The following ALS2 variants were observed in gnomAD, a reference collection of about 807,000 sequenced individuals.
ALS2 encodes alsin.
A neutral mutation model predicts 203.4 loss-of-function variants in ALS2; 117 were observed. The observed-to-expected ratio is 0.58, with a 90% CI of 0.50 to 0.67. The LOEUF is 0.67. Ranked by LOEUF, ALS2 falls within the 30% of genes least tolerant of loss-of-function variation. The pLI is 0.00. For synonymous variants in ALS2, 718 were observed against 725.9 expected, an observed-to-expected ratio of 0.99 and a Z score of 0.17; for missense variants, 1,715 against 1,989.4, an observed-to-expected ratio of 0.86 and a Z score of 2.62.
Position 201,704,159 on chromosome 2 carries a change from T to C in ALS2, c.4898A>G (p.Gln1633Arg), listed in dbSNP as rs1234052864. 1.9e-6 allele frequency: 3 copies of C among 1,614,114 alleles called. No homozygotes were observed. Residue 1633 changes from glutamine to arginine, a missense_variant, in exon 33 of 34, where the codon CAG (glutamine) becomes CGG (arginine). Gln to Arg is a conservative substitution (Grantham distance 43, BLOSUM62 1). This residue lies in a region of ALS2 where 1,227 missense variants were observed against 1,413.5 expected (regional missense o/e 0.87). Coordinates refer to ENST00000264276, the MANE Select transcript of ALS2 (RefSeq NM_020919.4). ...LIEDLMDPYL[Q>R]HGEQGIMFTT... ...GAACATTATACCCTGTTCCCCATGC[T>C]GAAGATAGGGGTCCATTAGATCCTC...
In ALS2 at chr2:201,758,357, G is replaced by A. The variant is rs1693531593; in HGVS notation, c.1114-598C>T. The stretch of plus-strand genomic sequence containing the variant: ...ATGCTCAACTCGAGTGCCTTTACTG[G>A]CTCATCAATGAGTTATTTTCTATGA... On this transcript the variant is annotated intron_variant, in intron 4 of 33. Transcript: ENST00000264276. Among the ~76,000 whole-genome samples the A allele has an allele frequency of 2.0e-5, 3 of 152,118 alleles. No individual in the cohort carries two copies. The South Asian group carries it at 6.2e-4, about 32-fold the overall frequency.
At position 201,761,827 on chromosome 2, in the gene ALS2, TAAAAAAA is replaced by T; in HGVS notation, c.176-16_176-10del. On this transcript the variant is annotated splice_polypyrimidine_tract_variant and intron_variant, in intron 3 of 33. Transcript: ENST00000264276. ...GCTGTAGACCTCACCATCTGAAGGT[TAAAAAAA>T]AGAAAAAAGAAAAAAAAAAGGGTTA... 6.2e-7 allele frequency: 1 copy of T among 1,606,334 alleles called. No individual in the cohort carries two copies. Among genetic ancestry groups the T allele is most frequent in the Non-Finnish European group, 8.5e-7 (1 of 1,177,520 alleles).
At chr2:201,763,998 T>C (rs1255657951) in intron 3 of ALS2, among the ~76,000 whole-genome samples, 1 of 152,202 alleles carries the variant, frequency 6.6e-6, no homozygotes, top group Non-Finnish European at 1.5e-5. Flanking sequence ...GATGAAAACA[T>C]GCAAACTTTA....
rs1423836663 is a variant in ALS2, at chr2:201,704,212, C to A, written c.4845G>T (p.Arg1615Ser). ...FLYVVLRARI[R>S]NLGSEVHLIE... ...TGAGGTGTACCTCAGAGCCTAAATT[C>A]CTAATCCTGCCCCAGAGAGAAAAAG... Residue 1615 changes from arginine (R) to serine (S), a missense_variant, in exon 33 of 34, where the codon AGG (arginine) becomes AGT (serine). Transcript: ENST00000264276. The A allele has an allele frequency of 6.2e-7, 1 of 1,613,474 alleles. No homozygotes were observed. Among genetic ancestry groups the A allele is most frequent in the South Asian group, 1.1e-5 (1 of 91,068 alleles).
chr2:201,760,713 T>A, intron 4 of ALS2, 168 bp downstream of exon 4: 1 of 1,421,440 alleles, frequency 7.0e-7, no homozygotes, highest in African/African-American at 1.4e-5. Context: ...TGATTTTGAA[T>A]TAATCCAGGT....
chr2:201,723,436 T>A lies in ALS2; in HGVS notation c.3518A>T (p.Glu1173Val). The change falls in exon 22 of 34, where the codon GAA becomes GTA. Residue 1173 changes from glutamate (E) to valine (V), a missense_variant. Physicochemically the swap from Glu to Val is moderately radical, Grantham distance 121. Around this residue, in one of 3 missense-constraint regions of ALS2, gnomAD observed 1,227 missense variants for 1,413.5 expected, o/e 0.87. Coordinates refer to ENST00000264276, the MANE Select transcript of ALS2 (RefSeq NM_020919.4). ...ATCTTGCCACATTCCCATATACTTTTCCCCCCTGCACAGAAATAAAAAGAA... is the reference window on the plus strand; with the variant it reads ...ATCTTGCCACATTCCCATATACTTTACCCCCCTGCACAGAAATAAAAAGAA... ...YGVFDDITRGEKYMGMWQDDV... is the reference protein window; with the variant it reads ...YGVFDDITRGVKYMGMWQDDV... The A allele has an allele frequency of 6.2e-7, 1 of 1,611,614 alleles. No individual in the cohort carries two copies. Among genetic ancestry groups the A allele is most frequent in the Non-Finnish European group, 8.5e-7 (1 of 1,178,038 alleles).
intron 4 of ALS2, 99 bp from the exon 5 acceptor site, chr2:201,757,858 TA>T: frequency 1.1e-6 from 1 of 943,014 alleles, no homozygotes; most frequent in South Asian, 1.7e-5. Context: ...TATTTGCATG[TA>T]AGAATCTAAA....
At chr2:201,777,539 A>G (rs1414224624) in intron 1 of ALS2, among the ~76,000 whole-genome samples, 1 of 152,206 alleles carries the variant, frequency 6.6e-6, no homozygotes, top group Non-Finnish European at 1.5e-5. Flanking sequence ...GTAAAAATAA[A>G]TAACAAATCT....
At chr2:201,766,010 A>T (rs906908758) in intron 3 of ALS2, among the ~76,000 whole-genome samples, 5 of 152,210 alleles carry the variant, frequency 3.3e-5, no homozygotes, top group Non-Finnish European at 7.3e-5. Context: ...CTCATAAGGT[A>T]GCAGTGCAGA....
chr2:201,735,816 C>G (rs1046205600), intron 12 of ALS2, among the ~76,000 whole-genome samples: 1 of 152,146 alleles, frequency 6.6e-6, no homozygotes, highest in African/African-American at 2.4e-5. Flanking sequence ...CTGCTGTAGC[C>G]CTTCAGGAAG....
At chr2:201,764,561 G>C (rs1693966284) in intron 3 of ALS2, among the ~76,000 whole-genome samples, 1 of 152,018 alleles carries the variant, frequency 6.6e-6, no homozygotes, top group African/African-American at 2.4e-5. Flanking sequence ...TTAAACCCAG[G>C]AGGTGGAGGT....
chr2:201,747,740 C>T (rs1400155326), intron 8 of ALS2, among the ~76,000 whole-genome samples: 7 of 152,132 alleles, frequency 4.6e-5, no homozygotes, highest in Non-Finnish European at 5.9e-5. Flanking sequence ...TGAGCTACCG[C>T]GCCCAGCCCA....
intron 4 of ALS2, chr2:201,759,375 A>G: frequency 1.0e-6 from 1 of 955,766 alleles, no homozygotes; most frequent in Non-Finnish European, 1.2e-6. Context: ...CCCTAAAACA[A>G]ATAAATTCCT....
At chr2:201,742,188 C>T (rs1229345632) in intron 10 of ALS2, among the ~76,000 whole-genome samples, 1 of 152,214 alleles carries the variant, frequency 6.6e-6, no homozygotes, top group Admixed American at 6.5e-5. Flanking sequence ...GATAAGTAAT[C>T]TGAAGCCAAG....
intron 5 of ALS2, among the ~76,000 whole-genome samples, chr2:201,756,885 G>A (rs558841171): frequency 4.1e-5 from 6 of 146,562 alleles, no homozygotes; most frequent in African/African-American, 7.6e-5. Flanking sequence ...TGGTCTGCAG[G>A]CCACTCTTGA....
intron 10 of ALS2, among the ~76,000 whole-genome samples, chr2:201,743,608 C>A (rs1039474138): frequency 6.6e-6 from 1 of 152,086 alleles, no homozygotes; most frequent in African/African-American, 2.4e-5. Context: ...CCTCAGCCTC[C>A]CGAGTAGCTG....
chr2:201,726,800 G>C lies in ALS2; in HGVS notation c.3046C>G (p.Pro1016Ala), dbSNP rs41308840. The C allele has an allele frequency of 3.2e-4, 509 of 1,614,136 alleles. 2 individuals are homozygous for C. In the African/African-American group the frequency reaches 3.6e-3, roughly 11 times the overall value. ...TGAACACTGCTACCACTTCCATAAG[G>C]GGGGAGATCAGACATCCCTCTCAAA... ...QALRGMSDLP[P>A]YGSGSSVQRQ... The change falls in exon 18 of 34, where the codon CCT becomes GCT. Residue 1016 changes from proline to alanine, a missense_variant. By Grantham distance (27) the Pro-to-Ala change is conservative. This residue lies in a region of ALS2 where 1,227 missense variants were observed against 1,413.5 expected (regional missense o/e 0.87). Transcript: ENST00000264276.
At chr2:201,758,945 A>G (rs977147571) in intron 4 of ALS2, among the ~76,000 whole-genome samples, 3 of 152,208 alleles carry the variant, frequency 2.0e-5, no homozygotes, top group Admixed American at 2.0e-4. Flanking sequence ...AATAGTCAAT[A>G]AACAAATATA....
rs1691015959 is a variant in ALS2, at chr2:201,724,385, C to T, written c.3422G>A (p.Gly1141Glu). ...ACTAGGAGAAGAGGACGTCAATTTC[C>T]CACTTCGTAGAAGACCATGACCATG... The part of the protein sequence containing the change: ...MRHGHGLLRS[G>E]KLTSSSPSMF... Residue 1141 changes from glycine (G) to glutamate (E), a missense_variant, in exon 21 of 34, where the codon GGG becomes GAG. Gly to Glu is a moderately conservative substitution (Grantham distance 98). Transcript: ENST00000264276. 6.2e-7 allele frequency: 1 copy of T among 1,613,860 alleles called. No individual in the cohort carries two copies. The highest frequency in any genetic ancestry group is 8.5e-7 in the Non-Finnish European group (1 of 1,179,808).
Sources: allele counts gnomAD v4.1 joint callset (sites outside exome capture counted in the v4.1 genomes callset), GRCh38; gene constraint gnomAD v4.1.1; regional missense constraint gnomAD v4.1.1; transcripts MANE v1.5; gene names NCBI Gene and HGNC (gene_info 2026-07-23, HGNC 2026-07-21).